Variants in CNTN4 observed in about 807,000 individuals in gnomAD.
CNTN4 encodes the protein contactin 4, also known as contactin-4.
In CNTN4, 77 loss-of-function variants were observed where a neutral mutation model predicts 122.5. The ratio of observed to expected loss-of-function variants is 0.63; its 90% CI spans 0.52 to 0.76. CNTN4 has a LOEUF of 0.76. Among genes scored for constraint, CNTN4 ranks in the 30% least tolerant of loss-of-function variants. The pLI is 0.00. For synonymous variants in CNTN4, 512 were observed against 447.0 expected (o/e 1.15, Z -1.83); for missense variants, 1,256 against 1,259.1 (o/e 1.00, Z 0.04).
chr3:2,381,992 C>CA (rs1260111219), intron 3 of CNTN4, among the ~76,000 whole-genome samples: 2 of 152,132 alleles, frequency 1.3e-5, no homozygotes, highest in Non-Finnish European at 2.9e-5. Context: ...GACAAAGGCA[C>CA]AAACCCTGTT....
chr3:2,791,666 C>T (rs1277557642), intron 6 of CNTN4, among the ~76,000 whole-genome samples: 1 of 152,158 alleles, frequency 6.6e-6, no homozygotes, highest in African/African-American at 2.4e-5. Flanking sequence ...AATTGACCTA[C>T]ATTTGGTGAC....
At chr3:2,998,828 G>T (rs1378685461) in intron 14 of CNTN4, among the ~76,000 whole-genome samples, 1 of 152,052 alleles carries the variant, frequency 6.6e-6, no homozygotes, top group East Asian at 1.9e-4. Context: ...CCTTTTTAAT[G>T]GAAATAAAAC....
chr3:2,744,607 G>A (rs565091957), intron 5 of CNTN4, among the ~76,000 whole-genome samples: 1 of 152,304 alleles, frequency 6.6e-6, no homozygotes, highest in South Asian at 2.1e-4. Flanking sequence ...GGGGGTAAAC[G>A]AATCGGATAG....
chr3:2,217,782 T>C lies in CNTN4; in HGVS notation c.-145+117143T>C, dbSNP rs143840594. 6.3e-3 allele frequency among the ~76,000 whole-genome samples: 967 copies of C among 152,300 alleles called. 10 individuals are homozygous for C. Among genetic ancestry groups the C allele is most frequent in the African/African-American group, 0.022 (908 of 41,562 alleles). On this transcript the variant is annotated intron_variant, in intron 2 of 24. Transcript: ENST00000418658. ...ATACAGCAATGCAAAAAGAGAATCATAGATGACCTTAGAACAACTATTAAC... is the reference window on the plus strand; with the variant it reads ...ATACAGCAATGCAAAAAGAGAATCACAGATGACCTTAGAACAACTATTAAC...
chr3:2,406,695 C>G (rs770377733), intron 3 of CNTN4, among the ~76,000 whole-genome samples: 1 of 151,966 alleles, frequency 6.6e-6, no homozygotes, highest in Non-Finnish European at 1.5e-5. Flanking sequence ...TCACATTGTC[C>G]ATCTGTAAAG....
At chr3:3,029,222 A>G (rs1408098711) in intron 15 of CNTN4, among the ~76,000 whole-genome samples, 1 of 152,240 alleles carries the variant, frequency 6.6e-6, no homozygotes, top group African/African-American at 2.4e-5. Flanking sequence ...TTCCTGAATT[A>G]GATTTAACAT....
intron 4 of CNTN4, among the ~76,000 whole-genome samples, chr3:2,692,195 C>T (rs985470406): frequency 2.6e-5 from 4 of 152,138 alleles, no homozygotes; most frequent in African/African-American, 7.2e-5. Flanking sequence ...TTTGAAAATG[C>T]GATCCCTTGA....
At chr3:2,985,600 CCACCAGAAGCATGGGT>C (rs1694484736) in intron 13 of CNTN4, 1 of 152,418 alleles carries the variant, frequency 6.6e-6, no homozygotes, top group African/African-American at 2.4e-5. Flanking sequence ...TCCCTTGCCT[CCACCAGAAGCATGGGT>C]CACCCCAGCC....
intron 2 of CNTN4, among the ~76,000 whole-genome samples, chr3:2,196,952 G>A (rs143502374): frequency 0.021 from 3,210 of 151,476 alleles, 56 homozygotes; most frequent in Non-Finnish European, 0.034. Context: ...GGCTAAGGCA[G>A]GAGAATCGCT....
intron 12 of CNTN4, among the ~76,000 whole-genome samples, chr3:2,908,373 A>G (rs1167196258): frequency 6.6e-6 from 1 of 152,206 alleles, no homozygotes; most frequent in Non-Finnish European, 1.5e-5. Flanking sequence ...ATCATTGGGT[A>G]AATATAGAGG....
intron 4 of CNTN4, among the ~76,000 whole-genome samples, chr3:2,733,701 T>G (rs1256299154): frequency 6.6e-6 from 1 of 151,806 alleles, no homozygotes; most frequent in Non-Finnish European, 1.5e-5. Context: ...GCCCGGCTAA[T>G]TTTTTTGAAT....
chr3:2,298,568 C>G (rs1485401697), intron 2 of CNTN4, among the ~76,000 whole-genome samples: 1 of 152,172 alleles, frequency 6.6e-6, no homozygotes, highest in East Asian at 1.9e-4. Flanking sequence ...CTCTCCTTTT[C>G]TCTCATACAA....
At chr3:2,784,815 G>A (rs929443193) in intron 6 of CNTN4, among the ~76,000 whole-genome samples, 1 of 152,174 alleles carries the variant, frequency 6.6e-6, no homozygotes, top group African/African-American at 2.4e-5. Flanking sequence ...TGACCAGATG[G>A]TTTTAAGAAT....
intron 3 of CNTN4, among the ~76,000 whole-genome samples, chr3:2,442,009 C>G (rs2048459974): frequency 6.6e-6 from 1 of 152,150 alleles, no homozygotes; most frequent in African/African-American, 2.4e-5. Flanking sequence ...TTTCCAGTAA[C>G]TAATATTCTA....
intron 2 of CNTN4, among the ~76,000 whole-genome samples, chr3:2,333,234 A>C (rs1183028515): frequency 6.6e-6 from 1 of 152,198 alleles, no homozygotes; most frequent in Non-Finnish European, 1.5e-5. Flanking sequence ...AGAACTGTTT[A>C]TCTTGTAGTC....
intron 2 of CNTN4, among the ~76,000 whole-genome samples, chr3:2,324,980 C>G (rs910860557): frequency 4.6e-5 from 7 of 152,212 alleles, no homozygotes; most frequent in African/African-American, 1.7e-4. Flanking sequence ...GATATTCATC[C>G]TCTACTTTAA....
In CNTN4 at chr3:2,317,545, G is replaced by T. The variant is rs369347916; in HGVS notation, c.-144-21633G>T. 3.7e-4 allele frequency among the ~76,000 whole-genome samples: 56 copies of T among 152,210 alleles called. No individual in the cohort carries two copies. In the South Asian group the frequency reaches 0.011, roughly 29 times the overall value. On this transcript the variant is annotated intron_variant, in intron 2 of 24. Transcript: ENST00000418658. ...CCTGAAGAGCATTATCATACCCATT[G>T]GTTCGTTGTGCAGTGGATCACCGAG...
chr3:2,944,006 A>T (rs927390583), intron 13 of CNTN4, among the ~76,000 whole-genome samples: 2 of 152,206 alleles, frequency 1.3e-5, no homozygotes, highest in African/African-American at 2.4e-5. Flanking sequence ...TGATTATATA[A>T]TAATGGAATT....
At chr3:2,828,088 T>C (rs1176741052) in intron 7 of CNTN4, among the ~76,000 whole-genome samples, 2 of 152,110 alleles carry the variant, frequency 1.3e-5, no homozygotes, top group African/African-American at 4.8e-5. Context: ...ACTTGAGTCA[T>C]CTCATTCTCT....
Sources: allele counts gnomAD v4.1 joint callset (sites outside exome capture counted in the v4.1 genomes callset), GRCh38; gene constraint gnomAD v4.1.1; transcripts MANE v1.5; gene names NCBI Gene and HGNC (gene_info 2026-07-23, HGNC 2026-07-21).